MYLK3: variants seen among roughly 807,000 people sequenced by gnomAD.
The protein encoded by MYLK3 is myosin light chain kinase 3.
In MYLK3, 55 loss-of-function variants were observed where a neutral mutation model predicts 76.3. The ratio of observed to expected loss-of-function variants is 0.72; its 90% CI spans 0.58 to 0.90. The LOEUF (loss-of-function observed/expected upper bound fraction) is 0.90, where lower values mean the gene tolerates loss of function less well. MYLK3 is among the 40% of genes least tolerant of loss of function. MYLK3 has a pLI of 0.00. For synonymous variants in MYLK3, 416 were observed against 425.4 expected, an observed-to-expected ratio of 0.98 and a Z score of 0.27; for missense variants, 973 against 1,053.6, an observed-to-expected ratio of 0.92 and a Z score of 1.06.
At chr16:46,738,590 A>T (rs760986752) in intron 2 of MYLK3, among the ~76,000 whole-genome samples, 2 of 152,190 alleles carry the variant, frequency 1.3e-5, no homozygotes, top group Non-Finnish European at 2.9e-5. Flanking sequence ...ACAGCTAAGG[A>T]GTGATCTCTG....
intron 1 of MYLK3, among the ~76,000 whole-genome samples, chr16:46,742,447 AACACACACACACAC>A (rs57671045): frequency 0.11 from 15,053 of 131,212 alleles, 1,363 homozygotes; most frequent in African/African-American, 0.27. Flanking sequence ...TCCCAGCAAA[AACACACACACACAC>A]ACACACACAC....
At position 46,727,340 on chromosome 16, in the gene MYLK3, C is replaced by T; in HGVS notation, c.1810G>A (p.Glu604Lys). The T allele has an allele frequency of 6.8e-6, 11 of 1,613,524 alleles. No homozygotes were observed. The highest frequency in any genetic ancestry group is 9.3e-6 in the Non-Finnish European group (11 of 1,179,484). The change falls in exon 8 of 13, where the codon GAG becomes AAG. Residue 604 changes from glutamate to lysine, a missense_variant. Physicochemically the swap from Glu to Lys is moderately conservative, Grantham distance 56. This residue lies in a region of MYLK3 where 332 missense variants were observed against 416.6 expected (regional missense o/e 0.80). Transcript: ENST00000394809. The part of the protein sequence containing the change: ...GGELFDRITD[E>K]KYHLTELDVV... Reference sequence around the variant, plus strand: ...TCCAGCTCAGTCAGGTGGTACTTCTCATCTGTGATCCGGTCGAAGAGCTCA... The same window carrying T: ...TCCAGCTCAGTCAGGTGGTACTTCTTATCTGTGATCCGGTCGAAGAGCTCA...
At chr16:46,727,204 G>A in intron 8 of MYLK3, 32 bp downstream of exon 8, 2 of 1,604,452 alleles carry the variant, frequency 1.2e-6, no homozygotes, top group East Asian at 2.2e-5. Flanking sequence ...GGACACCAGG[G>A]GCCCCTACCG....
Position 46,710,633 on chromosome 16 carries a change from G to A in MYLK3, c.2267+4C>T, listed in dbSNP as rs778380483. 1 of 1,614,110 alleles carries A rather than the reference G, an allele frequency of 6.2e-7. No individual in the cohort carries two copies. Among genetic ancestry groups the A allele is most frequent in the Non-Finnish European group, 8.5e-7 (1 of 1,180,040 alleles). ...GCCCATGAGTGACAAGCAATGAAAG[G>A]TACCTCTTCTCTTTGACCAGCAACC... On this transcript the variant is annotated splice_donor_region_variant and intron_variant, in intron 11 of 12. Transcript: ENST00000394809.
chr16:46,762,213 C>T lies in MYLK3; in HGVS notation c.-114+827G>A, dbSNP rs575593511. Among the ~76,000 whole-genome samples, 13 of 152,276 alleles carry T rather than the reference C, an allele frequency of 8.5e-5. No individual in the cohort carries two copies. The South Asian group carries it at 1.0e-3, about 12-fold the overall frequency. On this transcript the variant is annotated intron_variant, in intron 1 of 11. Coordinates refer to the MYLK3 transcript ENST00000536476. Reference sequence around the variant, plus strand: ...TACTAGGTAAAGACTTCACCTCAAGCGTATACATAGAATCCCATTTTTGTT... The same window carrying T: ...TACTAGGTAAAGACTTCACCTCAAGTGTATACATAGAATCCCATTTTTGTT...
chr16:46,732,356 G>C lies in MYLK3; in HGVS notation c.1314C>G (p.His438Gln). Residue 438 changes from histidine (H) to glutamine (Q), a missense_variant, in exon 4 of 13, where the codon CAC becomes CAG. This residue lies in a region of MYLK3 where 641 missense variants were observed against 637.0 expected (regional missense o/e 1.01). Coordinates refer to ENST00000394809, the MANE Select transcript of MYLK3 (RefSeq NM_182493.3). ...GCTGCAGGCCCAGGGCCCCAACCTC[G>C]TGGTCATTGTCGTCACTCCTGGCCA... ...PSLARSDDND[H>Q]EVGALGLQQG... The C allele has an allele frequency of 3.7e-6, 6 of 1,613,476 alleles. No homozygotes were observed. Among genetic ancestry groups the C allele is most frequent in the Non-Finnish European group, 5.1e-6 (6 of 1,180,016 alleles).
At chr16:46,719,276 G>A (rs1482724408) in intron 9 of MYLK3, among the ~76,000 whole-genome samples, 1 of 151,188 alleles carries the variant, frequency 6.6e-6, no homozygotes, top group Non-Finnish European at 1.5e-5. Context: ...GCAGTGAGCC[G>A]AGATCGTGCC....
intron 9 of MYLK3, among the ~76,000 whole-genome samples, chr16:46,715,907 C>A (rs919646776): frequency 9.9e-5 from 15 of 152,226 alleles, no homozygotes; most frequent in Middle Eastern, 3.2e-3. Context: ...CCTTAACCTG[C>A]AAAACCCCCA....
intron 9 of MYLK3, among the ~76,000 whole-genome samples, chr16:46,717,880 G>A (rs186011029): frequency 3.3e-5 from 5 of 152,342 alleles, no homozygotes; most frequent in Admixed American, 1.3e-4. Flanking sequence ...TTTCAGGGGT[G>A]TCCAATAATT....
chr16:46,722,180 G>C (rs189164069), intron 8 of MYLK3, among the ~76,000 whole-genome samples: 2 of 152,240 alleles, frequency 1.3e-5, no homozygotes, highest in Admixed American at 6.5e-5. Flanking sequence ...GGCTTGGGGA[G>C]AGAAGCTGAG....
upstream of MYLK3, among the ~76,000 whole-genome samples, chr16:46,748,469 C>T (rs564064923): frequency 1.2e-4 from 19 of 152,300 alleles, no homozygotes; most frequent in Admixed American, 9.2e-4. The surrounding 1 kb of genome is among the most constrained non-coding windows in gnomAD (Gnocchi z 4.3). Flanking sequence ...TTTGACATCA[C>T]GGCAGCATTT....
chr16:46,710,696 A>G lies in MYLK3; in HGVS notation c.2208T>C (p.Phe736=). 3 of 1,614,196 alleles carry G rather than the reference A, an allele frequency of 1.9e-6. No homozygotes were observed. The highest frequency in any genetic ancestry group is 2.5e-6 in the Non-Finnish European group (3 of 1,180,032). ...NCSWDFDADT[F]EGLSEEAKDF... ...CCTTGGCCTCCTCCGAGAGCCCTTC[A>G]AAGGTGTCAGCATCAAAATCCCAGC... The change falls in exon 11 of 13, where the codon TTT becomes TTC. Residue 736 remains phenylalanine, a synonymous_variant. Coordinates refer to ENST00000394809, the MANE Select transcript of MYLK3 (RefSeq NM_182493.3).
At chr16:46,731,003 A>G (rs1171360362) in intron 4 of MYLK3, among the ~76,000 whole-genome samples, 1 of 152,236 alleles carries the variant, frequency 6.6e-6, no homozygotes, top group Non-Finnish European at 1.5e-5. Context: ...TGTGTGGCCC[A>G]CAGGAAACAG....
chr16:46,730,009 C>T, intron 5 of MYLK3: 1 of 482,476 alleles, frequency 2.1e-6, no homozygotes, highest in East Asian at 4.0e-5. Flanking sequence ...CATCCCCTCA[C>T]CCCACACCAC....
chr16:46,733,879 C>G (rs994443423), intron 3 of MYLK3, among the ~76,000 whole-genome samples: 24 of 152,180 alleles, frequency 1.6e-4, no homozygotes, highest in African/African-American at 2.4e-5. Flanking sequence ...GGCCTCAGTT[C>G]TCTCTTTTCT....
intron 1 of MYLK3, chr16:46,763,001 C>CCA (rs374481214): frequency 1.2e-5 from 12 of 980,630 alleles, no homozygotes; most frequent in African/African-American, 1.8e-5. Flanking sequence ...AAACACCCCC[C>CCA]CACACACACA....
chr16:46,712,725 C>T lies in MYLK3; in HGVS notation c.2037G>A (p.Leu679=), dbSNP rs1183550059. ...LKVNFGTPEF[L]APEVVNYEFV... ...ACTCATAATTGACGACTTCTGGGGC[C>T]AGGAACTCAGGAGTGCCGAAGTTCA... The change falls in exon 10 of 13, where the codon CTG becomes CTA. Residue 679 remains leucine, a synonymous_variant. Coordinates refer to ENST00000394809, the MANE Select transcript of MYLK3 (RefSeq NM_182493.3). 6.3e-7 allele frequency: 1 copy of T among 1,599,506 alleles called. No homozygotes were observed. Among genetic ancestry groups the T allele is most frequent in the Non-Finnish European group, 8.5e-7 (1 of 1,172,836 alleles).
At chr16:46,749,659 G>C (rs1325581474), upstream of MYLK3, among the ~76,000 whole-genome samples, 1 of 152,194 alleles carries the variant, frequency 6.6e-6, no homozygotes, top group Admixed American at 6.5e-5. Flanking sequence ...TAAGGCGGGA[G>C]GATTGCTTGA....
chr16:46,713,559 A>AT (rs1348702666), intron 9 of MYLK3, among the ~76,000 whole-genome samples: 1 of 152,220 alleles, frequency 6.6e-6, no homozygotes, highest in Admixed American at 6.5e-5. Flanking sequence ...GCTAATTAAC[A>AT]TAAGTATTAC....
Sources: allele counts gnomAD v4.1 joint callset (sites outside exome capture counted in the v4.1 genomes callset), GRCh38; gene constraint gnomAD v4.1.1; regional missense constraint gnomAD v4.1.1; non-coding constraint Gnocchi (gnomAD v3.1); transcripts MANE v1.5; gene names NCBI Gene and HGNC (gene_info 2026-07-23, HGNC 2026-07-21).